Variants in FGFR2 observed in about 807,000 individuals in gnomAD.
The protein encoded by FGFR2 is BEK fibroblast growth factor receptor.
Under a neutral mutation model 95.9 loss-of-function variants are expected in FGFR2, and 19 were observed. The observed-to-expected ratio is 0.20, with a 90% confidence interval of 0.14 to 0.29. The LOEUF is 0.29. Ranked by LOEUF, FGFR2 falls within the 10% of genes least tolerant of loss-of-function variation. The pLI is 1.00. For missense variants in FGFR2, 707 were observed against 1,056.9 expected (o/e 0.67, Z 4.59); for synonymous variants, 392 against 393.3 (o/e 1.00, Z 0.04).
At position 121,518,981 on chromosome 10, in the gene FGFR2, T is replaced by G; in HGVS notation, c.939+998A>C. 2.1e-6 allele frequency: 2 copies of G among 935,208 alleles called. No homozygotes were observed. The highest frequency in any genetic ancestry group is 3.3e-6 in the Non-Finnish European group (2 of 597,498). The allele number at this position is 935,208 out of a possible 1,614,324, so 57.9% of individuals were successfully genotyped here. A position where few individuals can be genotyped will look rare whatever the true frequency, so the allele number is the denominator to read the frequency against. On this transcript the variant is annotated intron_variant, in intron 7 of 17. Coordinates refer to ENST00000358487, the MANE Select transcript of FGFR2 (RefSeq NM_000141.5). The surrounding 1 kb of genome is among the most constrained non-coding windows in gnomAD (Gnocchi z 4.0). ...TGCGGATTTTAAAGAACAAAATCAG[T>G]CCAGTGGTGGACAACGGAAAGACCT... is the stretch of plus-strand genomic sequence containing the variant.
chr10:121,596,723 G>C (rs1863475394), intron 1 of FGFR2: 1 of 192,990 alleles, frequency 5.2e-6, no homozygotes, highest in African/African-American at 2.3e-5. Context: ...CAGAACTTGC[G>C]AGCAGCTTGG....
intron 1 of FGFR2, among the ~76,000 whole-genome samples, chr10:121,596,846 C>T (rs373902903): frequency 2.1e-4 from 32 of 152,228 alleles, no homozygotes; most frequent in African/African-American, 6.3e-4. Flanking sequence ...GAGAAATCTG[C>T]ATTTTAATTG....
chr10:121,492,861 G>C (rs1284386840), intron 13 of FGFR2, among the ~76,000 whole-genome samples: 2 of 152,146 alleles, frequency 1.3e-5, no homozygotes, highest in Non-Finnish European at 2.9e-5. Context: ...AGACAATGAG[G>C]CCACACTGGG....
At chr10:121,500,736 G>A (rs1847489478) in intron 11 of FGFR2, 90 bp downstream of exon 11, 1 of 1,563,370 alleles carries the variant, frequency 6.4e-7, no homozygotes, top group Admixed American at 1.7e-5. Flanking sequence ...CTGACCCCGT[G>A]CCATGATAGA....
Position 121,565,685 on chromosome 10 carries a change from T to G in FGFR2, c.129A>C (p.Gln43His), listed in dbSNP as rs771790476. ...CCACGTACACTTCTGGTTGAGAGAT[T>G]TGGTATTTGGTTGGTGGCTCTGCAG... ...LEPEEPPTKYQISQPEVYVAA... is the reference protein window; with the variant it reads ...LEPEEPPTKYHISQPEVYVAA... The change falls in exon 3 of 18, where the codon CAA becomes CAC. Residue 43 changes from glutamine (Q) to histidine (H), a missense_variant. This residue lies in a region of FGFR2 where 178 missense variants were observed against 194.1 expected (regional missense o/e 0.92). Coordinates refer to ENST00000358487, the MANE Select transcript of FGFR2 (RefSeq NM_000141.5). 1 of 1,614,086 alleles carries G rather than the reference T, an allele frequency of 6.2e-7. No individual in the cohort carries two copies. Among genetic ancestry groups the G allele is most frequent in the Non-Finnish European group, 8.5e-7 (1 of 1,180,016 alleles).
intron 9 of FGFR2, among the ~76,000 whole-genome samples, chr10:121,514,518 T>C (rs1447454042): frequency 6.6e-6 from 1 of 152,184 alleles, no homozygotes; most frequent in Non-Finnish European, 1.5e-5. Context: ...GCCACACCTG[T>C]GAACTACTAA....
chr10:121,488,638 C>A (rs1173613186), intron 13 of FGFR2, among the ~76,000 whole-genome samples: 1 of 151,618 alleles, frequency 6.6e-6, no homozygotes, highest in Non-Finnish European at 1.5e-5. Context: ...GAGCCTGGAT[C>A]ACGACATGTA....
At chr10:121,514,982 C>T (rs1589820213) in intron 9 of FGFR2, 135 bp downstream of exon 9, 4 of 832,244 alleles carry the variant, frequency 4.8e-6, no homozygotes, top group African/African-American at 1.7e-5. Flanking sequence ...ACTGGGTGAC[C>T]GCCAAGCATC....
chr10:121,487,223 AAGGCCAGCTCCTGCACCTTC>A, intron 15 of FGFR2, 111 bp downstream of exon 15: 1 of 172,814 alleles, frequency 5.8e-6, no homozygotes, highest in Non-Finnish European at 1.2e-5. Context: ...TGTCCTTTCT[AAGGCCAGCTCCTGCACCTTC>A]TACGAATGTG....
intron 4 of FGFR2, among the ~76,000 whole-genome samples, chr10:121,561,147 G>A (rs904755984): frequency 2.6e-5 from 4 of 152,038 alleles, no homozygotes; most frequent in Admixed American, 6.6e-5. Flanking sequence ...AAGACAGGCC[G>A]GGCGCAGTGG....
At chr10:121,559,829 A>C (rs1048867354) in intron 4 of FGFR2, among the ~76,000 whole-genome samples, 1 of 152,220 alleles carries the variant, frequency 6.6e-6, no homozygotes, top group Non-Finnish European at 1.5e-5. Flanking sequence ...TCACAATGCA[A>C]AGCATAAGGT....
intron 7 of FGFR2, among the ~76,000 whole-genome samples, chr10:121,519,399 A>G (rs1850181866): frequency 6.6e-6 from 1 of 152,206 alleles, no homozygotes; most frequent in African/African-American, 2.4e-5. Context: ...TCACTGGTGC[A>G]GAAATATGAC....
intron 4 of FGFR2, among the ~76,000 whole-genome samples, chr10:121,560,032 G>A (rs918941457): frequency 1.3e-5 from 2 of 152,032 alleles, no homozygotes; most frequent in Non-Finnish European, 2.9e-5. Flanking sequence ...CCATAGCGAG[G>A]GCACCCACAT....
At position 121,524,581 on chromosome 10, in the gene FGFR2, T is replaced by G. The variant is rs75743005; in HGVS notation, c.749-4412A>C. ...TCTGCCGAACGCTGCGCTCCTCCTC[T>G]CGAACCCTTCAGCGATCCACCACCC... is the stretch of plus-strand genomic sequence containing the variant. On this transcript the variant is annotated intron_variant, in intron 6 of 17. Transcript: ENST00000358487. Among the ~76,000 whole-genome samples, 606 of 152,254 alleles carry G rather than the reference T, an allele frequency of 4.0e-3. 7 individuals carry two copies. The highest frequency in any genetic ancestry group is 0.013 in the African/African-American group (554 of 41,562).
chr10:121,488,213 G>A (rs2133842824), intron 13 of FGFR2, 100 bp from the exon 14 acceptor site: 1 of 1,530,278 alleles, frequency 6.5e-7, no homozygotes, highest in Non-Finnish European at 8.9e-7. Flanking sequence ...AGAAAATATA[G>A]CTGATGTTAA....
chr10:121,525,930 T>G (rs1431091118), intron 6 of FGFR2, among the ~76,000 whole-genome samples: 1 of 152,202 alleles, frequency 6.6e-6, no homozygotes, highest in East Asian at 1.9e-4. Context: ...CAGCTCACAC[T>G]GGTCTCCTGA....
intron 4 of FGFR2, among the ~76,000 whole-genome samples, chr10:121,561,393 C>T (rs1353541077): frequency 6.9e-6 from 1 of 144,550 alleles, no homozygotes; most frequent in Admixed American, 7.2e-5. Flanking sequence ...CATTGCGCTC[C>T]AGCCTGGGCA....
chr10:121,487,070 C>T (rs572027368), intron 15 of FGFR2, among the ~76,000 whole-genome samples: 2 of 152,324 alleles, frequency 1.3e-5, no homozygotes, highest in South Asian at 2.1e-4. Flanking sequence ...ATTAGATAAC[C>T]GCTTTGTAGT....
intron 2 of FGFR2, among the ~76,000 whole-genome samples, chr10:121,573,038 T>G (rs745987157): frequency 6.6e-6 from 1 of 152,216 alleles, no homozygotes; most frequent in East Asian, 1.9e-4. Flanking sequence ...CTTGAGACAG[T>G]TGAAACAGCA....
Sources: gnomAD v4.1 joint callset for allele counts (sites outside exome capture counted in the v4.1 genomes callset) on GRCh38, gnomAD v4.1.1 for gene constraint, gnomAD v4.1.1 regional missense constraint, Gnocchi (gnomAD v3.1) non-coding constraint, MANE v1.5 for transcripts, NCBI Gene and HGNC (gene_info 2026-07-23, HGNC 2026-07-21) for gene names.